PCDH9: variants seen among roughly 807,000 people sequenced by gnomAD.
The protein encoded by PCDH9 is protocadherin 9.
PCDH9 carries 24 observed loss-of-function variants against 70.6 expected under a neutral mutation model. The ratio of observed to expected loss-of-function variants is 0.34; its 90% CI spans 0.25 to 0.48. PCDH9 has a LOEUF of 0.48. Among genes scored for constraint, PCDH9 ranks in the 20% least tolerant of loss-of-function variants. The pLI is 0.99. For synonymous variants in PCDH9, 562 were observed against 558.5 expected (o/e 1.01, Z -0.09); for missense variants, 1,281 against 1,503.6 (o/e 0.85, Z 2.45).
At chr13:67,165,726 T>TA (rs932146620) in intron 2 of PCDH9, among the ~76,000 whole-genome samples, 9 of 152,168 alleles carry the variant, frequency 5.9e-5, no homozygotes, top group African/African-American at 2.2e-4. Flanking sequence ...CATTATCTTT[T>TA]AAAAAAATGT....
intron 2 of PCDH9, among the ~76,000 whole-genome samples, chr13:67,156,610 G>T (rs545137416): frequency 6.6e-6 from 1 of 152,214 alleles, no homozygotes; most frequent in African/African-American, 2.4e-5. Flanking sequence ...ATAAAAGCTT[G>T]CACTCATTCT....
chr13:66,935,287 C>A (rs926243563), intron 2 of PCDH9, among the ~76,000 whole-genome samples: 2 of 151,970 alleles, frequency 1.3e-5, no homozygotes, highest in African/African-American at 4.8e-5. Context: ...AATTCCCGGG[C>A]TCAAATGATC....
intron 2 of PCDH9, among the ~76,000 whole-genome samples, chr13:66,942,042 G>A (rs1194341261): frequency 2.6e-5 from 4 of 151,680 alleles, no homozygotes; most frequent in South Asian, 2.1e-4. Flanking sequence ...ATTTGTAAAC[G>A]AAGTACTACA....
At chr13:66,437,137 C>T (rs1401471571) in intron 4 of PCDH9, among the ~76,000 whole-genome samples, 1 of 150,992 alleles carries the variant, frequency 6.6e-6, no homozygotes, top group East Asian at 1.9e-4. Flanking sequence ...GAAAACAGGC[C>T]GGGCTCATAC....
chr13:66,390,416 G>T lies in PCDH9; in HGVS notation c.3341-85388C>A, dbSNP rs571938555. Among the ~76,000 whole-genome samples the T allele has an allele frequency of 2.0e-5, 3 of 152,154 alleles. No homozygotes were observed. The South Asian group carries it at 6.2e-4, about 32-fold the overall frequency. On this transcript the variant is annotated intron_variant, in intron 4 of 4. Transcript: ENST00000377865. ...TCCTGGGGAAACGACAGCCATAAAT[G>T]GATAGGACAGCTAGAGGTTTTGTAA...
At chr13:66,634,089 A>G (rs2077606905) in intron 3 of PCDH9, among the ~76,000 whole-genome samples, 1 of 152,232 alleles carries the variant, frequency 6.6e-6, no homozygotes, top group African/African-American at 2.4e-5. Context: ...AGAAAAATGT[A>G]AATTTACTAT....
At chr13:66,543,195 C>T (rs775153943) in intron 4 of PCDH9, among the ~76,000 whole-genome samples, 21 of 152,048 alleles carry the variant, frequency 1.4e-4, no homozygotes, top group Non-Finnish European at 2.8e-4. Context: ...GACACGTTAT[C>T]GTTTCATATC....
At chr13:67,142,074 G>GA (rs2087406855) in intron 2 of PCDH9, among the ~76,000 whole-genome samples, 1 of 151,904 alleles carries the variant, frequency 6.6e-6, no homozygotes, top group African/African-American at 2.4e-5. Flanking sequence ...ACCATCAAAA[G>GA]AAAAAAATAA....
At chr13:66,437,758 A>T (rs1295930113) in intron 4 of PCDH9, among the ~76,000 whole-genome samples, 1 of 152,114 alleles carries the variant, frequency 6.6e-6, no homozygotes, top group Non-Finnish European at 1.5e-5. Flanking sequence ...AAAGCTGAAA[A>T]AAATGCATGT....
At position 67,227,330 on chromosome 13, in the gene PCDH9, C is replaced by T. The variant is rs780884346; in HGVS notation, c.1111G>A (p.Val371Met). 3.1e-6 allele frequency: 5 copies of T among 1,613,568 alleles called. No homozygotes were observed. Among genetic ancestry groups the T allele is most frequent in the Admixed American group, 1.7e-5 (1 of 59,992 alleles). Residue 371 changes from valine to methionine, a missense_variant, in exon 2 of 5, where the codon GTG (valine) becomes ATG (methionine). By Grantham distance (21) the Val-to-Met change is conservative. Coordinates refer to ENST00000377865, the MANE Select transcript of PCDH9 (RefSeq NM_203487.3). The surrounding 1 kb of genome is among the most constrained non-coding windows in gnomAD (Gnocchi z 4.6). ...RYIISPINGT[V>M]YLSEKDPVNT... ...ACAGGATCTTTCTCAGATAAATACA[C>T]GGTGCCATTGATGGGACTTATAATG...
At chr13:67,051,284 T>C (rs1365240790) in intron 2 of PCDH9, among the ~76,000 whole-genome samples, 1 of 152,108 alleles carries the variant, frequency 6.6e-6, no homozygotes, top group African/African-American at 2.4e-5. Flanking sequence ...AAATTAGCGT[T>C]GATTCACTCT....
intron 4 of PCDH9, among the ~76,000 whole-genome samples, chr13:66,422,609 A>G (rs183888275): frequency 3.9e-5 from 6 of 152,318 alleles, no homozygotes; most frequent in African/African-American, 1.4e-4. Context: ...GAAACCAATG[A>G]GAACAAAGAC....
intron 4 of PCDH9, among the ~76,000 whole-genome samples, chr13:66,516,163 G>GTAC (rs1179732669): frequency 1.3e-5 from 2 of 151,872 alleles, no homozygotes; most frequent in East Asian, 3.9e-4. Flanking sequence ...TTCCTCAGAA[G>GTAC]TACTGTACAA....
At chr13:66,476,514 C>T (rs1053424401) in intron 4 of PCDH9, among the ~76,000 whole-genome samples, 3 of 151,874 alleles carry the variant, frequency 2.0e-5, no homozygotes, top group Admixed American at 1.3e-4. Context: ...ATCAGATTAA[C>T]TAAAAACATT....
intron 3 of PCDH9, among the ~76,000 whole-genome samples, chr13:66,840,389 T>C (rs1428810786): frequency 1.3e-5 from 2 of 152,222 alleles, no homozygotes; most frequent in African/African-American, 4.8e-5. Context: ...TTCAAATACA[T>C]CTTGACTTAT....
chr13:67,089,798 T>C (rs1296989753), intron 2 of PCDH9, among the ~76,000 whole-genome samples: 1 of 152,028 alleles, frequency 6.6e-6, no homozygotes, highest in Non-Finnish European at 1.5e-5. Flanking sequence ...CCTTTTCAGA[T>C]GTTGATAGAG....
rs1158291293 is a variant in PCDH9 at position 66,934,708 on chromosome 13, C to CTTTTT, written c.3037-31108_3037-31104dup. ...ATTGTATTCAATTTCCATGTGTTTG[C>CTTTTT]TTTTTTTTTTTTTTTTTTTTTTTTT... On this transcript the variant is annotated intron_variant, in intron 2 of 4. Transcript: ENST00000377865. Among the ~76,000 whole-genome samples, 17 of 47,330 alleles carry CTTTTT rather than the reference C, an allele frequency of 3.6e-4. 1 individual carries two copies. Among genetic ancestry groups the CTTTTT allele is most frequent in the East Asian group, 1.2e-3 (2 of 1,656 alleles). The allele number at this position is 47,330 out of a possible 152,430, so 31.1% of individuals were successfully genotyped here. A position where few individuals can be genotyped will look rare whatever the true frequency, so the allele number is the denominator to read the frequency against.
chr13:67,225,309 A>T, intron 2 of PCDH9, 96 bp downstream of exon 2: 1 of 1,381,282 alleles, frequency 7.2e-7, no homozygotes, highest in Non-Finnish European at 1.0e-6. Context: ...AACTAAGCTA[A>T]AGTTAGACCA....
chr13:66,972,285 TTG>T (rs2083537712), intron 2 of PCDH9, among the ~76,000 whole-genome samples: 1 of 151,962 alleles, frequency 6.6e-6, no homozygotes, highest in South Asian at 2.1e-4. Flanking sequence ...GAATAATTAA[TTG>T]TGTTTTTCTA....
Sources: gnomAD v4.1 joint callset for allele counts (sites outside exome capture counted in the v4.1 genomes callset) on GRCh38, gnomAD v4.1.1 for gene constraint, Gnocchi (gnomAD v3.1) non-coding constraint, MANE v1.5 for transcripts, NCBI Gene and HGNC (gene_info 2026-07-23, HGNC 2026-07-21) for gene names.